The following JARID2 variants were observed in gnomAD, a reference collection of about 807,000 sequenced individuals.
JARID2 encodes protein Jumonji.
JARID2 carries 21 observed loss-of-function variants against 125.6 expected under a neutral mutation model. That is an observed-to-expected ratio of 0.17 (90% CI 0.12 to 0.24). JARID2 has a LOEUF of 0.24. JARID2 is among the 10% of genes least tolerant of loss of function. The pLI is 1.00. For synonymous variants in JARID2, 736 were observed against 661.6 expected (o/e 1.11, Z -1.73); for missense variants, 1,303 against 1,639.6 (o/e 0.79, Z 3.55).
In JARID2 at chr6:15,521,412, G is replaced by A. The variant is rs868654285; in HGVS notation, c.*1161G>A. The A allele has an allele frequency of 4.6e-5, 7 of 151,436 alleles. No homozygotes were observed. The highest frequency in any genetic ancestry group is 7.4e-5 in the Non-Finnish European group (5 of 67,892). 9.4% of individuals were successfully genotyped at this position (151,436 alleles called of 1,614,324 possible). ...TTTTAAATACTTGAGCCTTTTTCTCGGTGGGGGGTGGGGAGGGGGGTGAGA... is the reference window on the plus strand; with the variant it reads ...TTTTAAATACTTGAGCCTTTTTCTCAGTGGGGGGTGGGGAGGGGGGTGAGA... On this transcript the variant is annotated 3_prime_UTR_variant, in exon 18 of 18. Transcript: ENST00000341776.
chr6:15,298,448 G>A (rs1761489573), intron 1 of JARID2, among the ~76,000 whole-genome samples: 1 of 152,082 alleles, frequency 6.6e-6, no homozygotes, highest in Non-Finnish European at 1.5e-5. Flanking sequence ...CACTTTGGGA[G>A]GCAGAGGCGG....
At chr6:15,304,879 G>A (rs879740594) in intron 1 of JARID2, among the ~76,000 whole-genome samples, 2 of 152,168 alleles carry the variant, frequency 1.3e-5, no homozygotes, top group Non-Finnish European at 2.9e-5. Context: ...TATCTGCTTG[G>A]TGAGGTGCAG....
intron 3 of JARID2, among the ~76,000 whole-genome samples, chr6:15,423,966 C>T (rs1289962190): frequency 1.3e-5 from 2 of 152,076 alleles, no homozygotes; most frequent in African/African-American, 4.8e-5. Context: ...TTTTGTTAAC[C>T]TCTGGTCCCT....
chr6:15,398,747 G>A (rs1274381322), intron 2 of JARID2, among the ~76,000 whole-genome samples: 1 of 152,218 alleles, frequency 6.6e-6, no homozygotes, highest in East Asian at 1.9e-4. Context: ...AAGCAGTGGA[G>A]ATAGGAAAGG....
At chr6:15,248,866 G>A in intron 1 of JARID2, 1 of 980,188 alleles carries the variant, frequency 1.0e-6, no homozygotes, top group Non-Finnish European at 1.2e-6. Flanking sequence ...GGCGGGGGCG[G>A]GGGCTGCCGC....
intron 1 of JARID2, among the ~76,000 whole-genome samples, chr6:15,370,410 T>C (rs186215360): frequency 5.5e-5 from 8 of 146,312 alleles, no homozygotes; most frequent in Admixed American, 2.1e-4. Flanking sequence ...CTGCACACGA[T>C]CACTGCAAGC....
chr6:15,432,449 AAACAACAAC>A (rs35484962), intron 3 of JARID2, among the ~76,000 whole-genome samples: 2,784 of 145,134 alleles, frequency 0.019, 70 homozygotes, highest in Admixed American at 0.055. Flanking sequence ...TCACCTTCAA[AAACAACAAC>A]AACAACAACA....
At chr6:15,404,667 G>T (rs555267380) in intron 2 of JARID2, among the ~76,000 whole-genome samples, 1 of 152,150 alleles carries the variant, frequency 6.6e-6, no homozygotes, top group Middle Eastern at 3.4e-3. Flanking sequence ...GGTGACAGAC[G>T]GCATTGGCTC....
intron 2 of JARID2, among the ~76,000 whole-genome samples, chr6:15,396,905 G>T (rs1177350588): frequency 6.6e-6 from 1 of 152,080 alleles, no homozygotes; most frequent in African/African-American, 2.4e-5. Flanking sequence ...CACCCAGTCC[G>T]GGTCACCCTA....
intron 6 of JARID2, among the ~76,000 whole-genome samples, chr6:15,495,323 A>T (rs1344257079): frequency 1.3e-5 from 2 of 152,192 alleles, no homozygotes; most frequent in Non-Finnish European, 2.9e-5. Context: ...CTGATGGGAA[A>T]GTTTGTCCAG....
intron 1 of JARID2, among the ~76,000 whole-genome samples, chr6:15,267,151 A>G (rs925376314): frequency 1.3e-5 from 2 of 152,156 alleles, no homozygotes; most frequent in East Asian, 1.9e-4. Flanking sequence ...GTGGGGAGAG[A>G]TGGTGAATTC....
intron 3 of JARID2, among the ~76,000 whole-genome samples, chr6:15,443,654 C>T (rs558803916): frequency 2.5e-4 from 38 of 152,208 alleles, no homozygotes; most frequent in Non-Finnish European, 5.3e-4. Flanking sequence ...TCTACTCTTA[C>T]GAAATGATAG....
chr6:15,512,190 C>T lies in JARID2; in HGVS notation c.2953-18C>T. ...TGCGCACAGGGAGGGGTGCCTCAGC[C>T]TGGCCCTGTCTCCCCAGATCTCCCC... On this transcript the variant is annotated intron_variant, in intron 13 of 17. Transcript: ENST00000341776. 1 of 1,610,178 alleles carries T rather than the reference C, an allele frequency of 6.2e-7. No individual in the cohort carries two copies. Among genetic ancestry groups the T allele is most frequent in the South Asian group, 1.1e-5 (1 of 90,706 alleles).
intron 2 of JARID2, among the ~76,000 whole-genome samples, chr6:15,391,859 G>C (rs913984946): frequency 4.6e-5 from 7 of 152,204 alleles, no homozygotes; most frequent in African/African-American, 1.4e-4. Flanking sequence ...GGTGTTGAAG[G>C]CATGCTCCTG....
chr6:15,431,160 T>C (rs565252496), intron 3 of JARID2, among the ~76,000 whole-genome samples: 2 of 152,326 alleles, frequency 1.3e-5, no homozygotes, highest in East Asian at 3.9e-4. Flanking sequence ...TCATTTCTTA[T>C]GCCTCCTGCA....
chr6:15,331,671 G>C (rs368070249), intron 1 of JARID2, among the ~76,000 whole-genome samples: 1 of 152,088 alleles, frequency 6.6e-6, no homozygotes, highest in Non-Finnish European at 1.5e-5. Flanking sequence ...TTCGAGATCA[G>C]TCTGACCAAC....
chr6:15,460,464 A>T (rs759166978), intron 4 of JARID2, among the ~76,000 whole-genome samples: 1 of 152,138 alleles, frequency 6.6e-6, no homozygotes, highest in African/African-American at 2.4e-5. Context: ...TCTGAAATCC[A>T]CTTAGAGAAC....
intron 5 of JARID2, among the ~76,000 whole-genome samples, chr6:15,473,380 G>A (rs536489039): frequency 3.3e-5 from 5 of 152,186 alleles, no homozygotes; most frequent in African/African-American, 7.2e-5. Flanking sequence ...TGTCAGAAAC[G>A]TCAGAAGACA....
intron 1 of JARID2, among the ~76,000 whole-genome samples, chr6:15,338,866 T>A (rs1762970611): frequency 6.6e-6 from 1 of 152,204 alleles, no homozygotes; most frequent in Non-Finnish European, 1.5e-5. Flanking sequence ...TCTTGGCAAG[T>A]TTTCAGATGA....
Sources: gnomAD v4.1 joint callset for allele counts (sites outside exome capture counted in the v4.1 genomes callset) on GRCh38, gnomAD v4.1.1 for gene constraint, MANE v1.5 for transcripts, NCBI Gene and HGNC (gene_info 2026-07-23, HGNC 2026-07-21) for gene names.